The following CDC73 variants were observed in gnomAD, a reference collection of about 807,000 sequenced individuals.
The protein encoded by CDC73 is cell division cycle 73.
CDC73 carries 21 observed loss-of-function variants against 83.7 expected under a neutral mutation model. That is an observed-to-expected ratio of 0.25 (90% CI 0.18 to 0.36). The LOEUF (loss-of-function observed/expected upper bound fraction) is 0.36, where lower values mean the gene tolerates loss of function less well. Ranked by LOEUF, CDC73 falls within the 10% of genes least tolerant of loss-of-function variation. The pLI is 1.00. For synonymous variants in CDC73, 224 were observed against 212.9 expected (o/e 1.05, Z -0.45); for missense variants, 342 against 653.3 (o/e 0.52, Z 5.19).
chr1:193,144,566 G>T (rs1675962064), intron 7 of CDC73, among the ~76,000 whole-genome samples: 1 of 152,142 alleles, frequency 6.6e-6, no homozygotes, highest in African/African-American at 2.4e-5. Flanking sequence ...CAAGGCAATG[G>T]CACTTAGCCA....
intron 7 of CDC73, among the ~76,000 whole-genome samples, chr1:193,147,086 G>A (rs1169383090): frequency 1.3e-5 from 2 of 151,784 alleles, no homozygotes; most frequent in Non-Finnish European, 2.9e-5. Flanking sequence ...TCCACCTGCT[G>A]GATTCACGCC....
intron 13 of CDC73, among the ~76,000 whole-genome samples, chr1:193,232,519 G>C (rs1260270461): frequency 1.3e-5 from 2 of 152,172 alleles, no homozygotes; most frequent in Non-Finnish European, 2.9e-5. Context: ...TTGGTATACA[G>C]AGGAAAGACC....
intron 10 of CDC73, chr1:193,180,429 G>A (rs1676693105): frequency 6.2e-7 from 1 of 1,614,048 alleles, no homozygotes; most frequent in Admixed American, 1.7e-5. Flanking sequence ...AGGTAATTAG[G>A]TGGCTGTATT....
intron 11 of CDC73, among the ~76,000 whole-genome samples, chr1:193,208,796 C>T (rs564327632): frequency 6.6e-6 from 1 of 152,228 alleles, no homozygotes; most frequent in East Asian, 1.9e-4. Context: ...TTGTTTTGTT[C>T]AGTTCCCCAA....
intron 15 of CDC73, among the ~76,000 whole-genome samples, chr1:193,247,141 C>G (rs975863587): frequency 7.2e-5 from 11 of 152,028 alleles, no homozygotes; most frequent in Non-Finnish European, 1.6e-4. Context: ...TTGTGGCAAC[C>G]TTGTGTGTTG....
chr1:193,124,856 G>C (rs1558277636), intron 1 of CDC73, among the ~76,000 whole-genome samples: 1 of 151,950 alleles, frequency 6.6e-6, no homozygotes, highest in South Asian at 2.1e-4. Flanking sequence ...GCCTAATTTG[G>C]GCCTAATTCT....
rs143614291 is a variant in CDC73, at chr1:193,243,046, A to G, written c.1418-6684A>G. Among the ~76,000 whole-genome samples, 265 of 151,956 alleles carry G rather than the reference A, an allele frequency of 1.7e-3. 1 individual carries two copies. Among genetic ancestry groups the G allele is most frequent in the African/African-American group, 6.2e-3 (257 of 41,428 alleles). ...TGGCTCCCTGCAACCCCCAGGTTCA[A>G]GCAGTTCCCCTGCCTCAGCCTCCTG... is the stretch of plus-strand genomic sequence containing the variant. On this transcript the variant is annotated intron_variant, in intron 15 of 16. Coordinates refer to ENST00000367435, the MANE Select transcript of CDC73 (RefSeq NM_024529.5).
At chr1:193,194,330 G>A (rs964560205) in intron 10 of CDC73, among the ~76,000 whole-genome samples, 3 of 152,072 alleles carry the variant, frequency 2.0e-5, no homozygotes, top group Non-Finnish European at 4.4e-5. Flanking sequence ...ACCCTGAGAG[G>A]CAGTGATTTT....
intron 10 of CDC73, 47 bp downstream of exon 10, chr1:193,152,491 G>GT (rs1381673053): frequency 1.7e-6 from 2 of 1,179,858 alleles, no homozygotes; most frequent in South Asian, 1.2e-5. Flanking sequence ...GGGATTTTAT[G>GT]TGAGTAGCAC....
chr1:193,235,229 A>G (rs1368328116), intron 14 of CDC73, among the ~76,000 whole-genome samples: 1 of 152,042 alleles, frequency 6.6e-6, no homozygotes, highest in Non-Finnish European at 1.5e-5. Flanking sequence ...TAGCATAGTA[A>G]TTTATTCTCC....
At chr1:193,171,636 G>A (rs555954860) in intron 10 of CDC73, among the ~76,000 whole-genome samples, 2 of 152,090 alleles carry the variant, frequency 1.3e-5, no homozygotes, top group African/African-American at 4.8e-5. Flanking sequence ...CTTCTCTTCT[G>A]CTGTGTTTCT....
chr1:193,194,626 A>G (rs1676970874), intron 10 of CDC73, among the ~76,000 whole-genome samples: 1 of 152,164 alleles, frequency 6.6e-6, no homozygotes, highest in Non-Finnish European at 1.5e-5. Context: ...TGAGATCATT[A>G]TAGACTTTGA....
At chr1:193,199,861 A>G (rs1024546692) in intron 10 of CDC73, among the ~76,000 whole-genome samples, 8 of 152,102 alleles carry the variant, frequency 5.3e-5, no homozygotes, top group Admixed American at 2.0e-4. Flanking sequence ...TTTTTAAAAC[A>G]TATGTGACTT....
rs1321588422 is a variant in CDC73 at position 193,254,435 on chromosome 1, A to G, written c.*3723A>G. On this transcript the variant is annotated 3_prime_UTR_variant, in exon 17 of 17. Transcript: ENST00000367435. Reference sequence around the variant, plus strand: ...CCAGCTATTCTAATGATAGAAATAAAAAGTGGAGAAATGACTAAAGTTGAC... The same window carrying G: ...CCAGCTATTCTAATGATAGAAATAAGAAGTGGAGAAATGACTAAAGTTGAC... Among the ~76,000 whole-genome samples the G allele has an allele frequency of 6.6e-6, 1 of 152,144 alleles. No homozygotes were observed. The highest frequency in any genetic ancestry group is 2.1e-4 in the South Asian group (1 of 4,832).
intron 3 of CDC73, among the ~76,000 whole-genome samples, chr1:193,132,293 T>A (rs1279559566): frequency 6.6e-6 from 1 of 152,198 alleles, no homozygotes; most frequent in Admixed American, 6.5e-5. Flanking sequence ...TAAGGACTTA[T>A]TACGTGCTTA....
chr1:193,202,757 T>A (rs1426610978), intron 10 of CDC73, among the ~76,000 whole-genome samples: 1 of 151,928 alleles, frequency 6.6e-6, no homozygotes, highest in Non-Finnish European at 1.5e-5. Flanking sequence ...GTCTTTTTTC[T>A]CCTGTACTCA....
Position 193,249,773 on chromosome 1 carries a change from A to C in CDC73, c.1461A>C (p.Pro487=), listed in dbSNP as rs1214206363. Residue 487 remains proline (P), a synonymous_variant, in exon 16 of 17, where the codon CCA becomes CCC. Coordinates refer to ENST00000367435, the MANE Select transcript of CDC73 (RefSeq NM_024529.5). ...HLKYDEVRLD[P]NVQKWDVTVL... is the part of the protein sequence containing the mutation. Reference sequence around the variant, plus strand: ...AGTATGATGAAGTTCGTCTGGATCCAAATGTTCAGAAATGGGATGTAACAG... The same window carrying C: ...AGTATGATGAAGTTCGTCTGGATCCCAATGTTCAGAAATGGGATGTAACAG... The C allele has an allele frequency of 6.2e-7, 1 of 1,610,050 alleles. No individual in the cohort carries two copies. The highest frequency in any genetic ancestry group is 8.5e-7 in the Non-Finnish European group (1 of 1,176,696).
chr1:193,240,305 A>G (rs1677836438), intron 15 of CDC73, among the ~76,000 whole-genome samples: 1 of 152,202 alleles, frequency 6.6e-6, no homozygotes, highest in African/African-American at 2.4e-5. Flanking sequence ...ACTGTTGTGA[A>G]TAGTGCTACA....
intron 10 of CDC73, among the ~76,000 whole-genome samples, chr1:193,177,419 A>G (rs1159290897): frequency 2.0e-5 from 3 of 147,498 alleles, no homozygotes; most frequent in Non-Finnish European, 4.5e-5. Context: ...AGTCCCAGCT[A>G]TTCGGGAGGC....
Sources: gnomAD v4.1 joint callset for allele counts (sites outside exome capture counted in the v4.1 genomes callset) on GRCh38, gnomAD v4.1.1 for gene constraint, MANE v1.5 for transcripts, NCBI Gene and HGNC (gene_info 2026-07-23, HGNC 2026-07-21) for gene names.